Variants in CDH9 observed in about 807,000 individuals in gnomAD.
CDH9 encodes the protein cadherin 9.
CDH9 carries 28 observed loss-of-function variants against 70.9 expected under a neutral mutation model. The ratio of observed to expected loss-of-function variants is 0.40; its 90% CI spans 0.29 to 0.54. The LOEUF is 0.54. CDH9 is among the 20% of genes least tolerant of loss of function. The pLI is 0.59. For synonymous variants in CDH9, 409 were observed against 343.1 expected (o/e 1.19, Z -2.12); for missense variants, 874 against 984.4 (o/e 0.89, Z 1.50).
At chr5:26,899,955 T>C (rs1740826139) in intron 7 of CDH9, among the ~76,000 whole-genome samples, 1 of 151,738 alleles carries the variant, frequency 6.6e-6, no homozygotes, top group Non-Finnish European at 1.5e-5. Context: ...TTCAAAAAAG[T>C]TTTGTCACAC....
At position 26,952,458 on chromosome 5, in the gene CDH9, C is replaced by CAAAAAA. The variant is rs766973787; in HGVS notation, c.228+35642_228+35647dup. Reference sequence around the variant, plus strand: ...TGAAACCCCGTCTCTACTAAAAATACAAAAAAAAAAAAAAAAAAAAAAAAA... The same window carrying CAAAAAA: ...TGAAACCCCGTCTCTACTAAAAATACAAAAAAAAAAAAAAAAAAAAAAAAAAAAAAA... On this transcript the variant is annotated intron_variant, in intron 2 of 11. Coordinates refer to ENST00000231021, the MANE Select transcript of CDH9 (RefSeq NM_016279.4). Among the ~76,000 whole-genome samples the CAAAAAA allele has an allele frequency of 7.0e-4, 7 of 9,960 alleles. 1 individual carries two copies. Among genetic ancestry groups the CAAAAAA allele is most frequent in the Non-Finnish European group, 1.6e-3 (6 of 3,782 alleles). 6.5% of individuals were successfully genotyped at this position (9,960 alleles called of 152,430 possible).
intron 1 of CDH9, among the ~76,000 whole-genome samples, chr5:27,024,706 A>C (rs1426474408): frequency 6.6e-6 from 1 of 152,142 alleles, no homozygotes; most frequent in African/African-American, 2.4e-5. Flanking sequence ...TTGCATGAGA[A>C]AACTGATATT....
chr5:26,900,386 A>T (rs1052711660), intron 7 of CDH9, among the ~76,000 whole-genome samples: 1 of 152,052 alleles, frequency 6.6e-6, no homozygotes, highest in Non-Finnish European at 1.5e-5. Context: ...ATTACAGAAA[A>T]ACAAAACTAT....
At position 26,988,178 on chromosome 5, in the gene CDH9, C is replaced by T. The variant is rs148556443; in HGVS notation, c.156G>A (p.Lys52=). The part of the protein sequence containing the change: ...KDDGKMLRRT[K]RGWMWNQFFL... ...AGAACTGATTCCACATCCAGCCACG[C>T]TTGGTGCGACGTAGCATTTTACCGT... The change falls in exon 2 of 12, where the codon AAG becomes AAA. Residue 52 remains lysine (K), a synonymous_variant. Transcript: ENST00000231021. 5 of 1,613,340 alleles carry T rather than the reference C, an allele frequency of 3.1e-6. No individual in the cohort carries two copies. Among genetic ancestry groups the T allele is most frequent in the Non-Finnish European group, 3.4e-6 (4 of 1,179,636 alleles).
At chr5:26,979,488 G>A (rs1206409682) in intron 2 of CDH9, among the ~76,000 whole-genome samples, 7 of 151,778 alleles carry the variant, frequency 4.6e-5, no homozygotes, top group South Asian at 2.1e-4. Flanking sequence ...AAGAACAACT[G>A]GGGGGAACAG....
rs1740454137 is a variant in CDH9, at chr5:26,881,153, C to T, written c.2353G>A (p.Asp785Asn). The change falls in exon 12 of 12, where the codon GAT (aspartate) becomes AAT (asparagine). Residue 785 changes from aspartate to asparagine, a missense_variant. Asp to Asn is a conservative substitution (Grantham distance 23). Transcript: ENST00000231021. ...KKLADMYGGD[D>N]SDRD ...CAATCCTCTTAGTCTCGGTCACTAT[C>T]ATCACCCCCATACATATCGGCAAGT... The T allele has an allele frequency of 6.2e-7, 1 of 1,608,722 alleles. No homozygotes were observed. Among genetic ancestry groups the T allele is most frequent in the Non-Finnish European group, 8.5e-7 (1 of 1,177,352 alleles).
At position 26,954,653 on chromosome 5, in the gene CDH9, G is replaced by GAATC. The variant is rs895448322; in HGVS notation, c.228+33452_228+33453insGATT. 3.7e-4 allele frequency among the ~76,000 whole-genome samples: 56 copies of GAATC among 151,668 alleles called. 2 individuals carry two copies. Among genetic ancestry groups the GAATC allele is most frequent in the Non-Finnish European group, 1.0e-4 (7 of 67,942 alleles). ...CCTGTCTCGGCCTCCTAAAGTGCAG[G>GAATC]GATTACAGGCGTGAGCCACCGCGCC... On this transcript the variant is annotated intron_variant, in intron 2 of 11. Transcript: ENST00000231021.
chr5:26,987,954 T>A lies in CDH9; in HGVS notation c.228+152A>T, dbSNP rs2112091356. On this transcript the variant is annotated intron_variant, in intron 2 of 11. Transcript: ENST00000231021. ...TTTAGAACCCAAATATGGTTCCTTG[T>A]TCTTCCCCACTAAAATAGTTTGCAA... 10 of 613,454 alleles carry A rather than the reference T, an allele frequency of 1.6e-5. No homozygotes were observed. In the South Asian group the frequency reaches 1.9e-4, roughly 12 times the overall value. The allele number at this position is 613,454 out of a possible 1,614,324, so 38.0% of individuals were successfully genotyped here.
chr5:26,957,134 T>C (rs1741960301), intron 2 of CDH9, among the ~76,000 whole-genome samples: 1 of 151,984 alleles, frequency 6.6e-6, no homozygotes, highest in Non-Finnish European at 1.5e-5. Context: ...CTGATTTTTA[T>C]GTATTTTCCT....
chr5:26,889,777 G>A (rs1740624324), intron 9 of CDH9, 59 bp downstream of exon 9: 2 of 1,038,254 alleles, frequency 1.9e-6, no homozygotes, highest in South Asian at 1.5e-5. Flanking sequence ...GTGATGTAAT[G>A]TCATTTGACT....
At chr5:26,888,092 GA>G (rs75285047) in intron 9 of CDH9, among the ~76,000 whole-genome samples, 15 of 150,624 alleles carry the variant, frequency 1.0e-4, no homozygotes, top group Admixed American at 2.6e-4. Context: ...ACATTTTTAT[GA>G]AAAAAAAATG....
chr5:26,910,023 AT>A (rs1741021218), intron 3 of CDH9, among the ~76,000 whole-genome samples: 1 of 151,988 alleles, frequency 6.6e-6, no homozygotes, highest in Non-Finnish European at 1.5e-5. Context: ...TTACATATAT[AT>A]TTACACATCA....
At chr5:26,912,847 G>A (rs1439790596) in intron 3 of CDH9, among the ~76,000 whole-genome samples, 9 of 152,120 alleles carry the variant, frequency 5.9e-5, no homozygotes, top group Admixed American at 5.9e-4. Context: ...GGGAGGCCCT[G>A]ATGGGAAGGT....
chr5:26,890,495 G>C lies in CDH9; in HGVS notation c.1323C>G (p.Phe441Leu), dbSNP rs1421756694. The C allele has an allele frequency of 5.6e-6, 9 of 1,610,844 alleles. No homozygotes were observed. The highest frequency in any genetic ancestry group is 7.6e-6 in the Non-Finnish European group (9 of 1,177,174). Residue 441 changes from phenylalanine (F) to leucine (L), a missense_variant, in exon 8 of 12, where the codon TTC becomes TTG. Physicochemically the swap from Phe to Leu is conservative, Grantham distance 22. Coordinates refer to ENST00000231021, the MANE Select transcript of CDH9 (RefSeq NM_016279.4). ...ATTCCCGGTCAAGGGCTTTCAAAGT[G>C]AAAATAGAACCATTTTCTGAGTGAA... ...FGIHSENGSIFTLKALDRESS... is the reference protein window; with the variant it reads ...FGIHSENGSILTLKALDRESS...
At chr5:27,032,631 A>G (rs1743328063) in intron 1 of CDH9, among the ~76,000 whole-genome samples, 1 of 151,670 alleles carries the variant, frequency 6.6e-6, no homozygotes, top group Non-Finnish European at 1.5e-5. Context: ...AAGTTGTGAC[A>G]TTAATCTAGA....
chr5:26,944,942 T>C (rs1189128674), intron 2 of CDH9, among the ~76,000 whole-genome samples: 1 of 120,332 alleles, frequency 8.3e-6, no homozygotes, highest in Non-Finnish European at 1.8e-5. Flanking sequence ...AAATCTTTGA[T>C]ATACACTATT....
At chr5:26,920,057 TAGAGC>T (rs1741217479) in intron 2 of CDH9, among the ~76,000 whole-genome samples, 1 of 151,944 alleles carries the variant, frequency 6.6e-6, no homozygotes, top group Admixed American at 6.6e-5. Flanking sequence ...CACAGTGGGG[TAGAGC>T]ACCAAAAGTA....
intron 2 of CDH9, among the ~76,000 whole-genome samples, 154 bp downstream of exon 2, chr5:26,987,952 T>C (rs1742514813): frequency 6.6e-6 from 1 of 152,118 alleles, no homozygotes; most frequent in African/African-American, 2.4e-5. Flanking sequence ...TATGGTTCCT[T>C]GTTCTTCCCC....
chr5:26,992,823 G>A lies in CDH9; in HGVS notation c.-49-4441C>T, dbSNP rs370456895. ...AAGAATATCTAAATAATGGCCGGGC[G>A]TGGTGGCTCAGGCCTGTAATCCTAG... On this transcript the variant is annotated intron_variant, in intron 1 of 11. Transcript: ENST00000231021. Among the ~76,000 whole-genome samples, 36 of 152,248 alleles carry A rather than the reference G, an allele frequency of 2.4e-4. No homozygotes were observed. The East Asian group carries it at 3.7e-3, about 16-fold the overall frequency.
Sources: allele counts gnomAD v4.1 joint callset (sites outside exome capture counted in the v4.1 genomes callset), GRCh38; gene constraint gnomAD v4.1.1; transcripts MANE v1.5; gene names NCBI Gene and HGNC (gene_info 2026-07-23, HGNC 2026-07-21).